WNT7A: variants seen among roughly 807,000 people sequenced by gnomAD.
The protein encoded by WNT7A is protein Wnt-7a.
Under a neutral mutation model 28.2 loss-of-function variants are expected in WNT7A, and 16 were observed. That is an observed-to-expected ratio of 0.57 (90% CI 0.38 to 0.86). The LOEUF (loss-of-function observed/expected upper bound fraction) is 0.86, where lower values mean the gene tolerates loss of function less well. WNT7A is among the 40% of genes least tolerant of loss of function. The pLI, the probability that WNT7A is intolerant of heterozygous loss-of-function variation, is 0.00. For missense variants in WNT7A, 411 were observed against 489.7 expected (o/e 0.84, Z 1.52); for synonymous variants, 190 against 195.9 (o/e 0.97, Z 0.25).
chr3:13,868,730 A>AAGAAAGAAAGAAAGAAAGAGG (rs1694964230), intron 2 of WNT7A, among the ~76,000 whole-genome samples: 1 of 147,936 alleles, frequency 6.8e-6, no homozygotes, highest in Non-Finnish European at 1.5e-5. Context: ...GAAAGAAAGA[A>AAGAAAGAAAGAAAGAAAGAGG]AGAAAGAAGA....
In WNT7A at chr3:13,817,997, A is replaced by C. The variant is rs889464107; in HGVS notation, c.*947T>G. 2.0e-5 allele frequency: 3 copies of C among 152,202 alleles called. No homozygotes were observed. Among genetic ancestry groups the C allele is most frequent in the African/African-American group, 7.2e-5 (3 of 41,452 alleles). 9.4% of individuals were successfully genotyped at this position (152,202 alleles called of 1,614,324 possible). A position where few individuals can be genotyped will look rare whatever the true frequency, so the allele number is the denominator to read the frequency against. ...ACAGAACTCAAGAATCCAGCTGTGC[A>C]AGGGGCCCCATGGGGCCTGACGCCA... On this transcript the variant is annotated 3_prime_UTR_variant, in exon 4 of 4. Coordinates refer to ENST00000285018, the MANE Select transcript of WNT7A (RefSeq NM_004625.4).
intron 3 of WNT7A, among the ~76,000 whole-genome samples, chr3:13,844,146 G>T (rs1345964972): frequency 6.6e-6 from 1 of 152,190 alleles, no homozygotes; most frequent in Admixed American, 6.5e-5. Flanking sequence ...CACCAAGGAT[G>T]AACAGAGCTT....
intron 3 of WNT7A, among the ~76,000 whole-genome samples, chr3:13,833,537 CCCACACAGTGCAGCA>C (rs902624317): frequency 2.0e-5 from 3 of 152,176 alleles, no homozygotes; most frequent in Non-Finnish European, 4.4e-5. Flanking sequence ...ATAGTCGAGC[CCCACACAGTGCAGCA>C]CCACACAGTG....
intron 3 of WNT7A, among the ~76,000 whole-genome samples, chr3:13,824,965 GCT>G (rs1345740725): frequency 6.6e-6 from 1 of 152,148 alleles, no homozygotes; most frequent in Non-Finnish European, 1.5e-5. Flanking sequence ...GAATGAAATG[GCT>G]CTTACTCACT....
At chr3:13,873,502 T>A (rs1695056583) in intron 2 of WNT7A, among the ~76,000 whole-genome samples, 1 of 152,072 alleles carries the variant, frequency 6.6e-6, no homozygotes, top group Non-Finnish European at 1.5e-5. Context: ...TACAGTTCTG[T>A]AAGGTGCAAA....
chr3:13,832,914 A>G (rs1201737374), intron 3 of WNT7A, among the ~76,000 whole-genome samples: 3 of 152,074 alleles, frequency 2.0e-5, no homozygotes, highest in African/African-American at 4.8e-5. Flanking sequence ...ACAACTGCTT[A>G]GATGCTGTCT....
chr3:13,876,033 T>G (rs988336961), intron 1 of WNT7A: 1 of 152,108 alleles, frequency 6.6e-6, no homozygotes, highest in Non-Finnish European at 1.5e-5. Flanking sequence ...ATGAAGAAAG[T>G]AAAGGAAGAT....
At chr3:13,861,197 C>A (rs115195978) in intron 2 of WNT7A, among the ~76,000 whole-genome samples, 1,801 of 152,322 alleles carry the variant, frequency 0.012, 33 homozygotes, top group African/African-American at 0.04. Flanking sequence ...TGTGAGTGAA[C>A]CCTGGGCTTG....
At chr3:13,820,192 A>C (rs1694085520) in intron 3 of WNT7A, among the ~76,000 whole-genome samples, 1 of 152,184 alleles carries the variant, frequency 6.6e-6, no homozygotes, top group Non-Finnish European at 1.5e-5. Context: ...TTCCCAAGTG[A>C]GCACAGTTGC....
chr3:13,838,421 G>T (rs1414760799), intron 3 of WNT7A, among the ~76,000 whole-genome samples: 1 of 152,228 alleles, frequency 6.6e-6, no homozygotes, highest in Non-Finnish European at 1.5e-5. Flanking sequence ...CAGAGGAAGA[G>T]GTTTTAAAGT....
chr3:13,820,580 A>C (rs1025837325), intron 3 of WNT7A, among the ~76,000 whole-genome samples: 15 of 152,124 alleles, frequency 9.9e-5, no homozygotes, highest in Admixed American at 8.5e-4. Flanking sequence ...TAGTGAAGAC[A>C]ATTCCAGCTT....
intron 3 of WNT7A, among the ~76,000 whole-genome samples, chr3:13,822,207 T>C (rs201141472): frequency 2.0e-5 from 3 of 152,232 alleles, no homozygotes; most frequent in Non-Finnish European, 2.9e-5. Context: ...AATGTGTGAC[T>C]CAACAATTCC....
At chr3:13,835,488 G>C (rs1694352426) in intron 3 of WNT7A, among the ~76,000 whole-genome samples, 1 of 152,264 alleles carries the variant, frequency 6.6e-6, no homozygotes, top group African/African-American at 2.4e-5. Context: ...CTCAGCTCCT[G>C]CTGGCCTGCC....
chr3:13,828,160 G>T (rs550199403), intron 3 of WNT7A, among the ~76,000 whole-genome samples: 2 of 152,324 alleles, frequency 1.3e-5, no homozygotes, highest in East Asian at 3.9e-4. Context: ...CCAAACTGAA[G>T]TGAGTCCTGG....
intron 3 of WNT7A, among the ~76,000 whole-genome samples, chr3:13,836,274 G>A (rs1694368856): frequency 1.3e-5 from 2 of 151,760 alleles, no homozygotes; most frequent in Admixed American, 1.3e-4. Context: ...ATGGAGCACA[G>A]CTGCTCGTGC....
chr3:13,854,282 T>C (rs1202665311), intron 3 of WNT7A, among the ~76,000 whole-genome samples: 1 of 152,154 alleles, frequency 6.6e-6, no homozygotes, highest in South Asian at 2.1e-4. Context: ...TCTGTCCCTC[T>C]TTCCATCTTG....
chr3:13,851,122 G>A (rs942328054), intron 3 of WNT7A, among the ~76,000 whole-genome samples: 7 of 152,090 alleles, frequency 4.6e-5, no homozygotes, highest in East Asian at 1.9e-4. Flanking sequence ...CCAGCCGTGC[G>A]CCCCGAGGCT....
chr3:13,827,367 C>A (rs1015695612), intron 3 of WNT7A, among the ~76,000 whole-genome samples: 2 of 152,158 alleles, frequency 1.3e-5, no homozygotes, highest in African/African-American at 2.4e-5. Flanking sequence ...CTGTCTGGAG[C>A]AGCAGGAAGG....
At chr3:13,839,260 C>G (rs372198973) in intron 3 of WNT7A, among the ~76,000 whole-genome samples, 20 of 152,292 alleles carry the variant, frequency 1.3e-4, no homozygotes, top group African/African-American at 4.6e-4. Flanking sequence ...CTGCCCCAGA[C>G]CCACACATGG....
Sources: gnomAD v4.1 joint callset for allele counts (sites outside exome capture counted in the v4.1 genomes callset) on GRCh38, gnomAD v4.1.1 for gene constraint, MANE v1.5 for transcripts, NCBI Gene and HGNC (gene_info 2026-07-23, HGNC 2026-07-21) for gene names.